AKAP6: variants seen among roughly 807,000 people sequenced by gnomAD.
AKAP6 encodes A-kinase anchoring protein 6, also known as A-kinase anchor protein 6.
AKAP6 carries 58 observed loss-of-function variants against 188.5 expected under a neutral mutation model. The observed-to-expected ratio is 0.31, with a 90% confidence interval of 0.25 to 0.38. The LOEUF (loss-of-function observed/expected upper bound fraction) is 0.38, where lower values mean the gene tolerates loss of function less well. Ranked by LOEUF, AKAP6 falls within the 10% of genes least tolerant of loss-of-function variation. The probability of loss-of-function intolerance (pLI) is 1.00; values close to 1 mark genes in which losing one functional copy is unlikely to be tolerated. For missense variants in AKAP6, 2,710 were observed against 2,740.0 expected (o/e 0.99, Z 0.24); for synonymous variants, 989 against 998.6 (o/e 0.99, Z 0.18).
intron 1 of AKAP6, among the ~76,000 whole-genome samples, chr14:32,432,637 A>G (rs1890259527): frequency 6.6e-6 from 1 of 152,218 alleles, no homozygotes; most frequent in South Asian, 2.1e-4. Flanking sequence ...TTTAACTAAC[A>G]AATCATAGAA....
chr14:32,718,244 G>A, intron 9 of AKAP6: 1 of 974,022 alleles, frequency 1.0e-6, no homozygotes, highest in Non-Finnish European at 1.2e-6. Context: ...CCATGGGCTT[G>A]CCATAGGAGA....
chr14:32,824,780 C>G lies in AKAP6; in HGVS notation c.*7C>G. 1 of 1,603,292 alleles carries G rather than the reference C, an allele frequency of 6.2e-7. No individual in the cohort carries two copies. The highest frequency in any genetic ancestry group is 8.5e-7 in the Non-Finnish European group (1 of 1,175,410). On this transcript the variant is annotated 3_prime_UTR_variant, in exon 13 of 14. Transcript: ENST00000280979. ...TAGAAATATGCATAGGTAGAATGTA[C>G]CCCCTCCCCAAGCATGAAAATCATC...
chr14:32,374,952 A>T (rs1242055522), intron 1 of AKAP6, among the ~76,000 whole-genome samples: 1 of 152,220 alleles, frequency 6.6e-6, no homozygotes. Context: ...TTAAGATATG[A>T]AAATAAGATA....
Position 32,506,802 on chromosome 14 carries a change from G to A in AKAP6, c.325-28752G>A, listed in dbSNP as rs372062953. 5.7e-4 allele frequency among the ~76,000 whole-genome samples: 85 copies of A among 149,296 alleles called. 1 individual carries two copies. The South Asian group carries it at 0.018, about 32-fold the overall frequency. On this transcript the variant is annotated intron_variant, in intron 2 of 13. Transcript: ENST00000280979. ...CCCACTTTGGCCTCCCAAAGTGTTG[G>A]GATTACAGGTGTGAGCCACCACACC... is the stretch of plus-strand genomic sequence containing the variant.
chr14:32,343,573 C>T (rs547826082), intron 1 of AKAP6, among the ~76,000 whole-genome samples: 1 of 151,454 alleles, frequency 6.6e-6, no homozygotes, highest in Non-Finnish European at 1.5e-5. Flanking sequence ...ACCGTGAAAC[C>T]CCATCTCTAC....
chr14:32,776,265 G>A (rs922938732), intron 12 of AKAP6, among the ~76,000 whole-genome samples: 1 of 152,152 alleles, frequency 6.6e-6, no homozygotes, highest in African/African-American at 2.4e-5. Context: ...GGGAGGGACC[G>A]AGTGGGAGAT....
At chr14:32,627,522 AC>A (rs1290587931) in intron 7 of AKAP6, among the ~76,000 whole-genome samples, 2 of 152,070 alleles carry the variant, frequency 1.3e-5, no homozygotes, top group African/African-American at 4.8e-5. Flanking sequence ...CTTAAACAGT[AC>A]CCCTAAAAAA....
chr14:32,379,642 TG>T (rs1470906226), intron 1 of AKAP6, among the ~76,000 whole-genome samples: 2 of 152,106 alleles, frequency 1.3e-5, no homozygotes, highest in East Asian at 1.9e-4. Flanking sequence ...TTGTTTGGTA[TG>T]TAGACTTTGG....
At chr14:32,587,945 G>A (rs917489497) in intron 5 of AKAP6, among the ~76,000 whole-genome samples, 20 of 152,168 alleles carry the variant, frequency 1.3e-4, no homozygotes, top group Non-Finnish European at 2.8e-4. Context: ...AGTACAGTGA[G>A]TATCAGGGGT....
intron 12 of AKAP6, among the ~76,000 whole-genome samples, chr14:32,816,932 G>C (rs949962543): frequency 6.6e-6 from 1 of 152,028 alleles, no homozygotes; most frequent in Non-Finnish European, 1.5e-5. Context: ...CCTTCTTAAA[G>C]GTTCTGCACA....
chr14:32,718,874 AC>A (rs1428059488), intron 9 of AKAP6, among the ~76,000 whole-genome samples: 1 of 152,098 alleles, frequency 6.6e-6, no homozygotes, highest in Non-Finnish European at 1.5e-5. Flanking sequence ...TTTTCCAACA[AC>A]CTCCTACATT....
chr14:32,674,475 A>G (rs377190593), intron 7 of AKAP6, among the ~76,000 whole-genome samples: 5 of 152,316 alleles, frequency 3.3e-5, no homozygotes, highest in South Asian at 4.1e-4. Context: ...AGGAGACTGC[A>G]GAGACATTTT....
chr14:32,700,366 C>T (rs1240981842), intron 9 of AKAP6, among the ~76,000 whole-genome samples: 1 of 152,144 alleles, frequency 6.6e-6, no homozygotes, highest in African/African-American at 2.4e-5. Context: ...TCAGAAGTTG[C>T]AGCCTGGTGA....
intron 2 of AKAP6, among the ~76,000 whole-genome samples, chr14:32,436,099 ATGGGCAGGCCCAGAC>A (rs1321962145): frequency 2.6e-5 from 4 of 152,240 alleles, no homozygotes; most frequent in Non-Finnish European, 4.4e-5. Flanking sequence ...GGCAAAGCAG[ATGGGCAGGCCCAGAC>A]TGGGGATGGC....
At position 32,568,168 on chromosome 14, in the gene AKAP6, A is replaced by G. The variant is rs958592988; in HGVS notation, c.2347-8952A>G. ...GGGTTCTCAGAGAAGCTTGGAAAAT[A>G]GGAGTGAACAACAGAGAATGTGACT... On this transcript the variant is annotated intron_variant, in intron 4 of 13. Transcript: ENST00000280979. The surrounding 1 kb of genome is among the most constrained non-coding windows in gnomAD (Gnocchi z 6.2). Among the ~76,000 whole-genome samples the G allele has an allele frequency of 7.2e-5, 11 of 152,234 alleles. No homozygotes were observed. The highest frequency in any genetic ancestry group is 2.7e-4 in the African/African-American group (11 of 41,456).
rs71115085 is a variant in AKAP6, at chr14:32,609,880, GACACACAC to G, written c.2730+9123_2730+9130del. The stretch of plus-strand genomic sequence containing the variant: ...GGTCTCTCTCTCTCTCTCTCTCTCT[GACACACAC>G]ACACACACACACACACACACACACA... On this transcript the variant is annotated intron_variant, in intron 7 of 13. Transcript: ENST00000280979. 4.6e-3 allele frequency among the ~76,000 whole-genome samples: 634 copies of G among 137,410 alleles called. 3 individuals carry two copies. The highest frequency in any genetic ancestry group is 0.012 in the African/African-American group (457 of 37,282). The allele number at this position is 137,410 out of a possible 152,430, so 90.1% of individuals were successfully genotyped here.
chr14:32,587,836 A>C (rs984528465), intron 5 of AKAP6, among the ~76,000 whole-genome samples: 2 of 152,194 alleles, frequency 1.3e-5, no homozygotes, highest in African/African-American at 4.8e-5. Flanking sequence ...TATATGGAGC[A>C]GGACCAAGAC....
At chr14:32,559,909 T>C (rs1401718684) in intron 4 of AKAP6, among the ~76,000 whole-genome samples, 1 of 151,176 alleles carries the variant, frequency 6.6e-6, no homozygotes, top group Non-Finnish European at 1.5e-5. Context: ...GGTAAAAGGG[T>C]CTGAACTGTG....
At chr14:32,670,929 T>G (rs1242133089) in intron 7 of AKAP6, among the ~76,000 whole-genome samples, 1 of 152,140 alleles carries the variant, frequency 6.6e-6, no homozygotes, top group Non-Finnish European at 1.5e-5. Context: ...TCAGTAAAAT[T>G]TATTCAATTT....
Sources: gnomAD v4.1 joint callset for allele counts (sites outside exome capture counted in the v4.1 genomes callset) on GRCh38, gnomAD v4.1.1 for gene constraint, Gnocchi (gnomAD v3.1) non-coding constraint, MANE v1.5 for transcripts, NCBI Gene and HGNC (gene_info 2026-07-23, HGNC 2026-07-21) for gene names.